CADM2: variants seen among roughly 807,000 people sequenced by gnomAD.
CADM2 encodes immunoglobulin superfamily member 4D.
Under a neutral mutation model 49.8 loss-of-function variants are expected in CADM2, and 12 were observed. The observed-to-expected ratio is 0.24, with a 90% CI of 0.15 to 0.39. CADM2 has a LOEUF of 0.39. CADM2 is among the 10% of genes least tolerant of loss of function. The pLI is 1.00. For missense variants in CADM2, 378 were observed against 492.3 expected, an observed-to-expected ratio of 0.77 and a Z score of 2.20; for synonymous variants, 214 against 175.4, an observed-to-expected ratio of 1.22 and a Z score of -1.74.
At chr3:85,564,683 A>G (rs986144619) in intron 1 of CADM2, among the ~76,000 whole-genome samples, 2 of 152,058 alleles carry the variant, frequency 1.3e-5, no homozygotes, top group Admixed American at 6.6e-5. Context: ...GTCTTTCTAT[A>G]AACCAGAAGA....
chr3:85,212,938 T>C (rs1230563065), intron 1 of CADM2, among the ~76,000 whole-genome samples: 1 of 150,568 alleles, frequency 6.6e-6, no homozygotes, highest in East Asian at 2.0e-4. Flanking sequence ...TGGAGTGCAA[T>C]GGCGCAATCT....
At chr3:85,496,529 A>G (rs1214766201) in intron 1 of CADM2, among the ~76,000 whole-genome samples, 7 of 152,120 alleles carry the variant, frequency 4.6e-5, no homozygotes, top group Non-Finnish European at 1.0e-4. Flanking sequence ...TTTTAGTAGA[A>G]TGATCTATTT....
At chr3:85,052,778 A>T (rs990382978) in intron 1 of CADM2, among the ~76,000 whole-genome samples, 6 of 152,002 alleles carry the variant, frequency 3.9e-5, no homozygotes, top group African/African-American at 1.4e-4. Flanking sequence ...ATTAGTTTAG[A>T]TTTGCAAAAT....
intron 6 of CADM2, among the ~76,000 whole-genome samples, chr3:85,919,521 T>C (rs985536226): frequency 5.3e-5 from 8 of 151,910 alleles, no homozygotes; most frequent in African/African-American, 1.9e-4. Flanking sequence ...GAAAAACGTT[T>C]GGGTCCAATT....
At chr3:85,807,823 T>A (rs562031989) in intron 3 of CADM2, among the ~76,000 whole-genome samples, 1 of 152,284 alleles carries the variant, frequency 6.6e-6, no homozygotes, top group South Asian at 2.1e-4. Context: ...GCTAGTAGAA[T>A]ATGTTATTTT....
chr3:85,706,208 A>T (rs2107724161), intron 1 of CADM2, among the ~76,000 whole-genome samples: 1 of 152,312 alleles, frequency 6.6e-6, no homozygotes, highest in Admixed American at 6.5e-5. Context: ...TTTCTGAATT[A>T]ACTCTACATT....
chr3:85,208,944 T>G (rs1255500317), intron 1 of CADM2, among the ~76,000 whole-genome samples: 1 of 152,118 alleles, frequency 6.6e-6, no homozygotes, highest in Non-Finnish European at 1.5e-5. Flanking sequence ...CTCCTAAACC[T>G]GTGCTACATA....
chr3:85,749,442 T>A (rs572916162), intron 2 of CADM2, among the ~76,000 whole-genome samples: 1 of 152,128 alleles, frequency 6.6e-6, no homozygotes, highest in African/African-American at 2.4e-5. Flanking sequence ...TTTTTCCTAC[T>A]TATCATTACA....
chr3:84,984,823 A>G (rs1249857227), intron 1 of CADM2, among the ~76,000 whole-genome samples: 1 of 152,176 alleles, frequency 6.6e-6, no homozygotes, highest in Non-Finnish European at 1.5e-5. Flanking sequence ...ACACATCTTA[A>G]TATCACTTTA....
chr3:85,048,903 CAAG>C (rs1241271949), intron 1 of CADM2, among the ~76,000 whole-genome samples: 1 of 151,846 alleles, frequency 6.6e-6, no homozygotes, highest in East Asian at 1.9e-4. Context: ...AATAAATCAG[CAAG>C]AAGTAGTATT....
intron 1 of CADM2, among the ~76,000 whole-genome samples, chr3:85,195,229 T>G (rs1422506271): frequency 1.3e-5 from 2 of 152,162 alleles, no homozygotes; most frequent in Non-Finnish European, 2.9e-5. Context: ...ATTGTTTGAC[T>G]AAGTGATGTT....
intron 1 of CADM2, among the ~76,000 whole-genome samples, chr3:85,545,630 A>C (rs1576769481): frequency 6.6e-6 from 1 of 152,126 alleles, no homozygotes; most frequent in Non-Finnish European, 1.5e-5. Flanking sequence ...ATGCTCTGAA[A>C]CTATGAGGTC....
At chr3:85,909,409 T>TATAC (rs1341288680) in intron 5 of CADM2, among the ~76,000 whole-genome samples, 3 of 150,292 alleles carry the variant, frequency 2.0e-5, no homozygotes, top group African/African-American at 7.3e-5. Flanking sequence ...GAAATATATA[T>TATAC]ATATATATAT....
At chr3:85,816,678 A>G (rs556868677) in intron 3 of CADM2, among the ~76,000 whole-genome samples, 16 of 152,300 alleles carry the variant, frequency 1.1e-4, no homozygotes, top group Admixed American at 7.2e-4. Context: ...TTTAATATCA[A>G]AAGGCTTTTT....
At chr3:85,524,905 T>C (rs2061124487) in intron 1 of CADM2, among the ~76,000 whole-genome samples, 1 of 152,214 alleles carries the variant, frequency 6.6e-6, no homozygotes, top group South Asian at 2.1e-4. Flanking sequence ...TCTTCATTCA[T>C]GGTAGTATTT....
At chr3:85,756,469 T>G (rs1184308031) in intron 2 of CADM2, among the ~76,000 whole-genome samples, 1 of 152,162 alleles carries the variant, frequency 6.6e-6, no homozygotes. Context: ...AATACACATA[T>G]AATTAAATTT....
chr3:85,627,640 A>G (rs552025167), intron 1 of CADM2, among the ~76,000 whole-genome samples: 1 of 152,132 alleles, frequency 6.6e-6, no homozygotes, highest in South Asian at 2.1e-4. Context: ...TGGCTCTTTC[A>G]TTCACTCAAA....
intron 1 of CADM2, among the ~76,000 whole-genome samples, chr3:85,226,250 A>ATT (rs149057525): frequency 0.015 from 2,111 of 145,584 alleles, 52 homozygotes; most frequent in African/African-American, 0.047. Context: ...CTGGTCCTGG[A>ATT]TTTTTTTTTT....
chr3:85,355,599 A>AG (rs2031789870), intron 1 of CADM2, among the ~76,000 whole-genome samples: 1 of 152,250 alleles, frequency 6.6e-6, no homozygotes, highest in African/African-American at 2.4e-5. Flanking sequence ...TTAGATGCAG[A>AG]GGGTAGAGCA....
Sources: allele counts gnomAD v4.1 joint callset (sites outside exome capture counted in the v4.1 genomes callset), GRCh38; gene constraint gnomAD v4.1.1; transcripts MANE v1.5; gene names NCBI Gene and HGNC (gene_info 2026-07-23, HGNC 2026-07-21).